The following RIT2 variants were observed in gnomAD, a reference collection of about 807,000 sequenced individuals.
The protein encoded by RIT2 is GTP-binding protein Rit2.
In RIT2, 24 loss-of-function variants were observed where a neutral mutation model predicts 23.7. The ratio of observed to expected loss-of-function variants is 1.01; its 90% CI spans 0.73 to 1.43. The LOEUF (loss-of-function observed/expected upper bound fraction) is 1.43. RIT2 is among the 40% of genes most tolerant of loss of function. The pLI is 0.00. For missense variants in RIT2, 236 were observed against 266.9 expected (o/e 0.88, Z 0.81); for synonymous variants, 107 against 91.1 (o/e 1.17, Z -0.99).
intron 4 of RIT2, among the ~76,000 whole-genome samples, chr18:42,803,124 C>T (rs537333137): frequency 2.9e-4 from 44 of 152,318 alleles, no homozygotes; most frequent in African/African-American, 1.0e-3. Flanking sequence ...AGGCATTGTA[C>T]ATCTACTACG....
chr18:43,019,944 C>CA lies in RIT2; in HGVS notation c.160+13866dup, dbSNP rs568472841. Among the ~76,000 whole-genome samples the CA allele has an allele frequency of 9.4e-3, 1,299 of 138,854 alleles. 18 individuals carry two copies. The highest frequency in any genetic ancestry group is 0.026 in the African/African-American group (996 of 38,110). The allele number at this position is 138,854 out of a possible 152,430, so 91.1% of individuals were successfully genotyped here. ...ATTCAATCCCATCTACAATAGTTAC[C>CA]AAAAAAAAAAACTCCTAGGATTTAA... On this transcript the variant is annotated intron_variant, in intron 2 of 4. Transcript: ENST00000326695.
At chr18:43,039,514 A>C (rs1912077655) in intron 1 of RIT2, among the ~76,000 whole-genome samples, 1 of 151,214 alleles carries the variant, frequency 6.6e-6, no homozygotes, top group African/African-American at 2.4e-5. Context: ...ATGCCCGACT[A>C]ATTTTGTATT....
At chr18:43,089,841 G>T (rs1335557698) in intron 1 of RIT2, among the ~76,000 whole-genome samples, 1 of 152,050 alleles carries the variant, frequency 6.6e-6, no homozygotes, top group Non-Finnish European at 1.5e-5. Context: ...TCAGCCACAT[G>T]CAGAAGGCTA....
intron 4 of RIT2, among the ~76,000 whole-genome samples, chr18:42,909,144 A>G (rs1000015849): frequency 3.9e-5 from 6 of 152,162 alleles, no homozygotes; most frequent in African/African-American, 1.4e-4. Context: ...CTCAGCCATA[A>G]AAAGGAATGA....
intron 4 of RIT2, among the ~76,000 whole-genome samples, chr18:42,758,544 T>TC (rs1478686382): frequency 1.8e-4 from 28 of 152,048 alleles, no homozygotes; most frequent in African/African-American, 6.0e-4. Flanking sequence ...AAGGAGTTTT[T>TC]CTCTCATCAC....
chr18:43,109,760 T>A (rs1436586424), intron 1 of RIT2, among the ~76,000 whole-genome samples: 1 of 152,176 alleles, frequency 6.6e-6, no homozygotes, highest in East Asian at 1.9e-4. Context: ...GAAATCATAG[T>A]TGTGAATAAC....
At chr18:42,799,224 A>ACT (rs1905458606) in intron 4 of RIT2, among the ~76,000 whole-genome samples, 1 of 152,232 alleles carries the variant, frequency 6.6e-6, no homozygotes, top group Non-Finnish European at 1.5e-5. Flanking sequence ...TTAAAAGGCA[A>ACT]TCCTTTCATG....
At chr18:43,061,526 A>G (rs1912644910) in intron 1 of RIT2, among the ~76,000 whole-genome samples, 1 of 152,164 alleles carries the variant, frequency 6.6e-6, no homozygotes, top group African/African-American at 2.4e-5. Flanking sequence ...AGAACAGTCT[A>G]AAGTCTAAAA....
chr18:43,047,006 C>A (rs1215810959), intron 1 of RIT2, among the ~76,000 whole-genome samples: 1 of 152,004 alleles, frequency 6.6e-6, no homozygotes, highest in Non-Finnish European at 1.5e-5. Flanking sequence ...TAAAACTTCA[C>A]CCTTCCAAAT....
At chr18:42,833,974 T>C (rs1416110968) in intron 4 of RIT2, among the ~76,000 whole-genome samples, 1 of 152,184 alleles carries the variant, frequency 6.6e-6, no homozygotes, top group Non-Finnish European at 1.5e-5. Flanking sequence ...GGTATGGTGC[T>C]ATTGATTTTA....
At chr18:42,959,961 A>T (rs1172380742) in intron 3 of RIT2, among the ~76,000 whole-genome samples, 2 of 152,250 alleles carry the variant, frequency 1.3e-5, no homozygotes, top group African/African-American at 4.8e-5. Flanking sequence ...GAATGAGATT[A>T]TGTATACTAC....
intron 1 of RIT2, among the ~76,000 whole-genome samples, chr18:43,049,509 T>A (rs1268213733): frequency 6.6e-6 from 1 of 152,110 alleles, no homozygotes; most frequent in Non-Finnish European, 1.5e-5. Context: ...GTAAATTCTA[T>A]CTTCAAGGAA....
At position 43,034,599 on chromosome 18, in the gene RIT2, T is replaced by A. The variant is rs182636141; in HGVS notation, c.104-732A>T. Among the ~76,000 whole-genome samples the A allele has an allele frequency of 3.3e-5, 5 of 152,312 alleles. No individual in the cohort carries two copies. The East Asian group carries it at 9.7e-4, about 29-fold the overall frequency. On this transcript the variant is annotated intron_variant, in intron 1 of 4. Transcript: ENST00000326695. Reference sequence around the variant, plus strand: ...AATAGTGTATAATAGCTCTTCTCTTTCTTTTTTCCTCACTTCTGCATGTGT... The same window carrying A: ...AATAGTGTATAATAGCTCTTCTCTTACTTTTTTCCTCACTTCTGCATGTGT...
At chr18:42,772,650 G>A (rs189860263) in intron 4 of RIT2, among the ~76,000 whole-genome samples, 9 of 152,238 alleles carry the variant, frequency 5.9e-5, no homozygotes, top group South Asian at 2.1e-4. Context: ...CTCTTTGACC[G>A]TGGTTCCTGA....
At chr18:42,910,651 G>A (rs757329643) in intron 4 of RIT2, among the ~76,000 whole-genome samples, 3 of 152,120 alleles carry the variant, frequency 2.0e-5, no homozygotes, top group East Asian at 1.9e-4. Flanking sequence ...CCTGAATGTT[G>A]AGAGGAGTTC....
intron 4 of RIT2, among the ~76,000 whole-genome samples, chr18:42,833,698 AG>A (rs1369401074): frequency 6.6e-6 from 1 of 152,202 alleles, no homozygotes; most frequent in Non-Finnish European, 1.5e-5. Flanking sequence ...TTATTCAATT[AG>A]AGAAGTGACT....
At chr18:42,912,883 C>T (rs531146923) in intron 4 of RIT2, among the ~76,000 whole-genome samples, 19 of 151,884 alleles carry the variant, frequency 1.3e-4, no homozygotes, top group East Asian at 5.8e-4. Flanking sequence ...AAAATGTCAT[C>T]GTAGTTCTTT....
chr18:43,026,357 C>A (rs933256517), intron 2 of RIT2, among the ~76,000 whole-genome samples: 2 of 151,820 alleles, frequency 1.3e-5, no homozygotes, highest in Non-Finnish European at 2.9e-5. Flanking sequence ...AGATTGAGAA[C>A]GTCCTGACCA....
At position 42,903,751 on chromosome 18, in the gene RIT2, C is replaced by G. The variant is rs1908540488; in HGVS notation, c.426+19821G>C. On this transcript the variant is annotated intron_variant, in intron 4 of 4. Transcript: ENST00000326695. ...GAACACAGATCAAGAAGGAAGGCTA[C>G]TAGACTTATTTTATAAGTCATTCTT... Among the ~76,000 whole-genome samples, 3 of 152,036 alleles carry G rather than the reference C, an allele frequency of 2.0e-5. No homozygotes were observed. The South Asian group carries it at 6.2e-4, about 32-fold the overall frequency.
Sources: gnomAD v4.1 joint callset for allele counts (sites outside exome capture counted in the v4.1 genomes callset) on GRCh38, gnomAD v4.1.1 for gene constraint, MANE v1.5 for transcripts, NCBI Gene and HGNC (gene_info 2026-07-23, HGNC 2026-07-21) for gene names.